Variants in ARIH2 observed in about 807,000 individuals in gnomAD.
The protein encoded by ARIH2 is E3 ubiquitin-protein ligase ARIH2.
ARIH2 carries 12 observed loss-of-function variants against 79.8 expected under a neutral mutation model. The ratio of observed to expected loss-of-function variants is 0.15; its 90% CI spans 0.10 to 0.24. The LOEUF is 0.24. Ranked by LOEUF, ARIH2 falls within the 10% of genes least tolerant of loss-of-function variation. The probability of loss-of-function intolerance (pLI) is 1.00; values close to 1 mark genes in which losing one functional copy is unlikely to be tolerated. For missense variants in ARIH2, 301 were observed against 618.3 expected (o/e 0.49, Z 5.44); for synonymous variants, 224 against 213.9 (o/e 1.05, Z -0.41).
intron 11 of ARIH2, among the ~76,000 whole-genome samples, chr3:48,975,985 A>C (rs1324273903): frequency 1.3e-5 from 2 of 151,982 alleles, no homozygotes; most frequent in Non-Finnish European, 2.9e-5. Context: ...ATCTTGGCTG[A>C]CTGCAACCTC....
chr3:48,945,428 T>C (rs1388274143), intron 3 of ARIH2, among the ~76,000 whole-genome samples: 1 of 152,242 alleles, frequency 6.6e-6, no homozygotes, highest in Non-Finnish European at 1.5e-5. Context: ...TAGTATGTTC[T>C]GTGCACTATT....
At chr3:48,920,170 G>T (rs561840547) in intron 1 of ARIH2, among the ~76,000 whole-genome samples, 1 of 151,830 alleles carries the variant, frequency 6.6e-6, no homozygotes, top group African/African-American at 2.4e-5. Flanking sequence ...TTGTGGATAC[G>T]TGATCTTAAT....
At chr3:48,953,943 C>T (rs940924418) in intron 3 of ARIH2, among the ~76,000 whole-genome samples, 1 of 151,696 alleles carries the variant, frequency 6.6e-6, no homozygotes, top group African/African-American at 2.4e-5. Context: ...GCGGGTGGAT[C>T]ACCTGAGGTC....
At chr3:48,960,211 G>A (rs1218677032) in intron 3 of ARIH2, among the ~76,000 whole-genome samples, 1 of 152,218 alleles carries the variant, frequency 6.6e-6, no homozygotes, top group African/African-American at 2.4e-5. Context: ...TTGACACTTA[G>A]GGTGTTTTGT....
intron 11 of ARIH2, 122 bp downstream of exon 11, chr3:48,975,101 A>T: frequency 6.5e-7 from 1 of 1,528,728 alleles, no homozygotes; most frequent in Non-Finnish European, 9.0e-7. Flanking sequence ...CAGTCACTTA[A>T]CAGTCACAGT....
intron 13 of ARIH2, 59 bp from the exon 14 acceptor site, chr3:48,981,601 T>G: frequency 4.1e-6 from 6 of 1,455,196 alleles, no homozygotes; most frequent in Non-Finnish European, 5.8e-6. Context: ...AAGAGCCACC[T>G]GAGATGCAGG....
intron 1 of ARIH2, 180 bp downstream of exon 1, chr3:48,919,178 C>CGT: frequency 7.7e-7 from 1 of 1,297,882 alleles, no homozygotes; most frequent in Non-Finnish European, 9.8e-7. Context: ...GGGCGCCCAG[C>CGT]GTGTGTCTGC....
At chr3:48,949,946 TA>T (rs1179865978) in intron 3 of ARIH2, among the ~76,000 whole-genome samples, 4 of 152,214 alleles carry the variant, frequency 2.6e-5, no homozygotes, top group Middle Eastern at 3.4e-3. Flanking sequence ...TTTCTTTTTT[TA>T]AAAAATTTTT....
chr3:48,975,180 C>A, intron 11 of ARIH2: 1 of 750,348 alleles, frequency 1.3e-6, no homozygotes, highest in Non-Finnish European at 2.1e-6. Flanking sequence ...CCACTGCTAT[C>A]TTGCTAACAC....
chr3:48,981,105 G>A (rs1046808222), intron 13 of ARIH2, among the ~76,000 whole-genome samples: 1 of 148,388 alleles, frequency 6.7e-6, no homozygotes, highest in African/African-American at 2.5e-5. Context: ...CAAGGCAGGT[G>A]CATTGCTTGA....
chr3:48,972,621 G>A (rs567208265), intron 8 of ARIH2, among the ~76,000 whole-genome samples: 2 of 152,238 alleles, frequency 1.3e-5, no homozygotes, highest in South Asian at 4.1e-4. Flanking sequence ...TCCAGCCTGG[G>A]TGACAAGAGC....
intron 1 of ARIH2, chr3:48,919,278 T>G: frequency 9.1e-7 from 1 of 1,102,504 alleles, no homozygotes; most frequent in Non-Finnish European, 1.2e-6. Flanking sequence ...AGGCCCTCTC[T>G]CCCTGTCTGG....
chr3:48,918,973 C>T lies in ARIH2; in HGVS notation c.-187C>T, dbSNP rs769838601. 2.0e-6 allele frequency: 3 copies of T among 1,473,982 alleles called. No homozygotes were observed. The highest frequency in any genetic ancestry group is 2.7e-6 in the Non-Finnish European group (3 of 1,120,128). 91.3% of individuals were successfully genotyped at this position (1,473,982 alleles called of 1,614,324 possible). On this transcript the variant is annotated 5_prime_UTR_variant, in exon 1 of 16. Transcript: ENST00000356401. ...TGACCCGGTCTGGCTTGTTCGGGCT[C>T]AGCGGCCGCGAGGCCGCAGCTCCCG...
chr3:48,966,011 T>C (rs1334812043), intron 5 of ARIH2, among the ~76,000 whole-genome samples: 1 of 152,110 alleles, frequency 6.6e-6, no homozygotes, highest in Non-Finnish European at 1.5e-5. Flanking sequence ...TCCTGGATCA[T>C]TCCCCTGGAA....
intron 9 of ARIH2, chr3:48,974,579 GTGGAAGAC>G: frequency 1.7e-6 from 1 of 576,938 alleles, no homozygotes; most frequent in Non-Finnish European, 3.1e-6. Context: ...GGGGCAGATG[GTGGAAGAC>G]TTAGTGGGGT....
chr3:48,976,507 G>A (rs2092509996), intron 11 of ARIH2, among the ~76,000 whole-genome samples: 1 of 152,014 alleles, frequency 6.6e-6, no homozygotes, highest in Non-Finnish European at 1.5e-5. Flanking sequence ...CACCGCTCCC[G>A]GCCCCAGGAG....
At chr3:48,934,677 T>C (rs1485063406) in intron 3 of ARIH2, 8 of 985,354 alleles carry the variant, frequency 8.1e-6, no homozygotes, top group Non-Finnish European at 9.6e-6. Flanking sequence ...GTGTGTTTAC[T>C]GATGTGTAAA....
At chr3:48,961,803 G>T in intron 4 of ARIH2, 124 bp downstream of exon 4, 4 of 618,454 alleles carry the variant, frequency 6.5e-6, no homozygotes, top group Admixed American at 2.9e-5. Context: ...TTAAAACATT[G>T]GATTCTATTT....
chr3:48,924,465 C>T (rs2085284940), intron 2 of ARIH2, among the ~76,000 whole-genome samples: 2 of 151,056 alleles, frequency 1.3e-5, no homozygotes, highest in African/African-American at 4.9e-5. Context: ...AGCAGTTCTT[C>T]GATGTAGCCA....
Sources: gnomAD v4.1 joint callset for allele counts (sites outside exome capture counted in the v4.1 genomes callset) on GRCh38, gnomAD v4.1.1 for gene constraint, MANE v1.5 for transcripts, NCBI Gene and HGNC (gene_info 2026-07-23, HGNC 2026-07-21) for gene names.